The following LHPP variants were observed in gnomAD, a reference collection of about 807,000 sequenced individuals.
LHPP encodes the protein hLHPP.
In LHPP, 24 loss-of-function variants were observed where a neutral mutation model predicts 30.3. The observed-to-expected ratio is 0.79, with a 90% CI of 0.57 to 1.11. The LOEUF is 1.11. Among genes scored for constraint, LHPP ranks in the 50% most tolerant of loss-of-function variants. LHPP has a pLI of 0.00. For missense variants in LHPP, 356 were observed against 367.2 expected, an observed-to-expected ratio of 0.97 and a Z score of 0.25; for synonymous variants, 150 against 157.1, an observed-to-expected ratio of 0.95 and a Z score of 0.34.
chr10:124,497,265 TCC>T (rs1953748862), intron 4 of LHPP, among the ~76,000 whole-genome samples: 1 of 94,182 alleles, frequency 1.1e-5, no homozygotes, highest in Non-Finnish European at 2.1e-5. Flanking sequence ...ATCCTCCCCA[TCC>T]TCCCCATCCT....
chr10:124,528,364 T>C (rs1357571560), intron 6 of LHPP, among the ~76,000 whole-genome samples: 1 of 151,844 alleles, frequency 6.6e-6, no homozygotes, highest in East Asian at 1.9e-4. Flanking sequence ...TATTTATTAT[T>C]TTATTTTTTT....
intron 6 of LHPP, among the ~76,000 whole-genome samples, chr10:124,601,042 G>A (rs755134640): frequency 7.2e-5 from 11 of 152,224 alleles, no homozygotes; most frequent in Non-Finnish European, 1.6e-4. Flanking sequence ...GTTGGAGGGA[G>A]GAAGGTTTCA....
intron 5 of LHPP, among the ~76,000 whole-genome samples, chr10:124,506,002 T>C (rs1046532769): frequency 1.3e-5 from 2 of 152,062 alleles, no homozygotes; most frequent in Non-Finnish European, 2.9e-5. Flanking sequence ...TCCCAGCACT[T>C]TGGGAGGCCG....
chr10:124,472,036 G>T (rs1403562286), intron 1 of LHPP, among the ~76,000 whole-genome samples: 1 of 152,108 alleles, frequency 6.6e-6, no homozygotes, highest in Non-Finnish European at 1.5e-5. Flanking sequence ...GTTGGGCTGG[G>T]TGCAGTGGCT....
chr10:124,589,386 G>A (rs1948847913), intron 6 of LHPP, among the ~76,000 whole-genome samples: 1 of 152,244 alleles, frequency 6.6e-6, no homozygotes, highest in Non-Finnish European at 1.5e-5. Context: ...TGAGCCACCT[G>A]GAAGGCAAAG....
intron 6 of LHPP, among the ~76,000 whole-genome samples, chr10:124,586,009 C>G (rs1200354072): frequency 2.6e-5 from 4 of 152,158 alleles, no homozygotes; most frequent in African/African-American, 9.7e-5. Context: ...GTCTCAAACT[C>G]CTGAACTCAA....
In LHPP at chr10:124,478,835, G is replaced by A. The variant is rs1267627468; in HGVS notation, c.126-5304G>A. Among the ~76,000 whole-genome samples, 3 of 152,314 alleles carry A rather than the reference G, an allele frequency of 2.0e-5. No individual in the cohort carries two copies. The highest frequency in any genetic ancestry group is 6.5e-5 in the Admixed American group (1 of 15,304). On this transcript the variant is annotated intron_variant, in intron 1 of 6. Transcript: ENST00000368842. The surrounding 1 kb of genome is among the most constrained non-coding windows in gnomAD (Gnocchi z 4.7). ...TGTAATTCCAGCACTTTGGGAGGCC[G>A]AGGCAGGTGGATCACTGGAGATTGG...
chr10:124,502,395 C>T (rs1335531749), intron 5 of LHPP, among the ~76,000 whole-genome samples: 3 of 150,952 alleles, frequency 2.0e-5, no homozygotes, highest in African/African-American at 2.5e-5. Context: ...GACGGAGTCT[C>T]GCTGTGTCAC....
chr10:124,481,292 G>A (rs1953120035), intron 1 of LHPP, among the ~76,000 whole-genome samples: 2 of 151,404 alleles, frequency 1.3e-5, no homozygotes, highest in Non-Finnish European at 2.9e-5. Context: ...CCACCTTTTT[G>A]TAGTAGCTGT....
intron 6 of LHPP, among the ~76,000 whole-genome samples, chr10:124,528,664 C>T (rs1954806506): frequency 6.6e-6 from 1 of 152,188 alleles, no homozygotes; most frequent in South Asian, 2.1e-4. Flanking sequence ...TGGCCTTCCC[C>T]ACTGCCTTTA....
intron 6 of LHPP, among the ~76,000 whole-genome samples, chr10:124,580,847 T>G (rs561465762): frequency 6.6e-6 from 1 of 152,020 alleles, no homozygotes; most frequent in Non-Finnish European, 1.5e-5. Flanking sequence ...GCCTCCTGAG[T>G]AGCTGGGATT....
At chr10:124,528,755 C>A (rs1954808401) in intron 6 of LHPP, among the ~76,000 whole-genome samples, 1 of 151,372 alleles carries the variant, frequency 6.6e-6, no homozygotes, top group Non-Finnish European at 1.5e-5. Flanking sequence ...TAGATATTTA[C>A]CAAGCACCTA....
intron 1 of LHPP, among the ~76,000 whole-genome samples, chr10:124,463,482 C>T (rs1426238013): frequency 6.6e-6 from 1 of 152,012 alleles, no homozygotes; most frequent in African/African-American, 2.4e-5. Flanking sequence ...CCTGCCTCAG[C>T]CTCCCAAGTA....
chr10:124,482,570 G>T (rs1279585878), intron 1 of LHPP, among the ~76,000 whole-genome samples: 1 of 152,132 alleles, frequency 6.6e-6, no homozygotes, highest in African/African-American at 2.4e-5. Flanking sequence ...TCCAGGAAGG[G>T]ATCTTGTGAT....
chr10:124,595,775 T>C (rs1564846023), intron 6 of LHPP, among the ~76,000 whole-genome samples: 1 of 152,228 alleles, frequency 6.6e-6, no homozygotes, highest in Non-Finnish European at 1.5e-5. Flanking sequence ...TTCTAGGCTA[T>C]CTGGGACACT....
intron 1 of LHPP, among the ~76,000 whole-genome samples, chr10:124,470,917 G>T (rs1952713567): frequency 6.6e-6 from 1 of 152,154 alleles, no homozygotes; most frequent in Non-Finnish European, 1.5e-5. Context: ...TTGCTGTCAG[G>T]AGGTGAAGCA....
chr10:124,549,780 A>G (rs754254592), intron 6 of LHPP, among the ~76,000 whole-genome samples: 10 of 152,258 alleles, frequency 6.6e-5, no homozygotes, highest in Admixed American at 2.0e-4. Context: ...CATGGCCTCC[A>G]GAATCAGAGG....
At chr10:124,507,894 C>CAGGT (rs1954190481) in intron 5 of LHPP, among the ~76,000 whole-genome samples, 1 of 8,816 alleles carries the variant, frequency 1.1e-4, no homozygotes, top group Non-Finnish European at 2.2e-4. Flanking sequence ...GATTTCAGGT[C>CAGGT]GGGGGGGTAG....
At chr10:124,488,606 G>A (rs757387583) in intron 3 of LHPP, 31 bp downstream of exon 3, 75 of 1,587,862 alleles carry the variant, frequency 4.7e-5, no homozygotes, top group Admixed American at 7.4e-5. Flanking sequence ...GTCATTTCTC[G>A]GTGCTTTAGA....
Sources: allele counts gnomAD v4.1 joint callset (sites outside exome capture counted in the v4.1 genomes callset), GRCh38; gene constraint gnomAD v4.1.1; non-coding constraint Gnocchi (gnomAD v3.1); transcripts MANE v1.5; gene names NCBI Gene and HGNC (gene_info 2026-07-23, HGNC 2026-07-21).